Variants in GLIS3 observed in about 807,000 individuals in gnomAD.
GLIS3 encodes GLIS family zinc finger 3.
In GLIS3, 53 loss-of-function variants were observed where a neutral mutation model predicts 78.6. That is an observed-to-expected ratio of 0.67 (90% confidence interval 0.54 to 0.85). GLIS3 has a LOEUF of 0.85. Among genes scored for constraint, GLIS3 ranks in the 40% least tolerant of loss-of-function variants. The pLI is 0.00. For missense variants in GLIS3, 1,703 were observed against 1,231.1 expected, an observed-to-expected ratio of 1.38 and a Z score of -5.74; for synonymous variants, 684 against 509.9, an observed-to-expected ratio of 1.34 and a Z score of -4.60.
intron 7 of GLIS3, among the ~76,000 whole-genome samples, chr9:3,885,313 C>T (rs1395546582): frequency 6.6e-6 from 1 of 152,152 alleles, no homozygotes; most frequent in African/African-American, 2.4e-5. Flanking sequence ...CACCAGTTGT[C>T]AATAATGCAC....
chr9:4,264,884 C>T (rs1326410821), intron 2 of GLIS3, among the ~76,000 whole-genome samples: 1 of 151,932 alleles, frequency 6.6e-6, no homozygotes, highest in South Asian at 2.1e-4. Context: ...TAACAATCTT[C>T]GGCCAGGCAC....
At chr9:4,362,443 G>C in the GLIS3 span, among the ~76,000 whole-genome samples, 6 of 152,174 alleles carry the variant, frequency 3.9e-5, no homozygotes, top group African/African-American at 1.4e-4. Context: ...CTCAGCTGAA[G>C]CTCCCTTTGT....
chr9:4,452,977 G>A, the GLIS3 span, among the ~76,000 whole-genome samples: 2 of 152,036 alleles, frequency 1.3e-5, no homozygotes, highest in Non-Finnish European at 2.9e-5. Context: ...ATAGACCAAT[G>A]GAACAGAACA....
chr9:4,308,320 G>C (rs1190363781), intron 4 of GLIS3, among the ~76,000 whole-genome samples: 2 of 152,096 alleles, frequency 1.3e-5, no homozygotes, highest in Non-Finnish European at 2.9e-5. Flanking sequence ...GGAGGAGGAG[G>C]ATAAAGGGGT....
chr9:4,324,239 T>C (rs1024366417), intron 2 of GLIS3, among the ~76,000 whole-genome samples: 1 of 152,184 alleles, frequency 6.6e-6, no homozygotes, highest in Non-Finnish European at 1.5e-5. Flanking sequence ...TAAAACTTGG[T>C]GTTTTTATTT....
chr9:4,359,625 C>T, the GLIS3 span, among the ~76,000 whole-genome samples: 301 of 152,168 alleles, frequency 2.0e-3, 1 homozygote, highest in African/African-American at 6.6e-3. Context: ...ATACAGTACC[C>T]GTGAGATCCA....
At chr9:4,477,548 G>A in the GLIS3 span, among the ~76,000 whole-genome samples, 1 of 152,060 alleles carries the variant, frequency 6.6e-6, no homozygotes. Context: ...TGGAGTAGCT[G>A]GGACTGCAGA....
intron 4 of GLIS3, among the ~76,000 whole-genome samples, chr9:4,101,507 C>T (rs1417303441): frequency 6.6e-6 from 1 of 152,060 alleles, no homozygotes; most frequent in Non-Finnish European, 1.5e-5. Context: ...TTGTTCTAAA[C>T]AAAATATCCC....
At chr9:4,280,380 C>CTTGGTTATGATTAATATATT (rs1172625643) in intron 2 of GLIS3, among the ~76,000 whole-genome samples, 20 of 152,104 alleles carry the variant, frequency 1.3e-4, no homozygotes, top group African/African-American at 4.8e-4. Flanking sequence ...AATTAACTTT[C>CTTGGTTATGATTAATATATT]TTGGTTATGA....
intron 9 of GLIS3, among the ~76,000 whole-genome samples, chr9:3,851,797 A>T (rs1819450167): frequency 6.6e-6 from 1 of 152,180 alleles, no homozygotes; most frequent in African/African-American, 2.4e-5. Context: ...AAAAATATAA[A>T]TGTATATTTA....
chr9:4,133,874 A>ACACACAC (rs768664577), intron 2 of GLIS3, among the ~76,000 whole-genome samples: 2 of 123,914 alleles, frequency 1.6e-5, no homozygotes, highest in Admixed American at 8.3e-5. Context: ...ACACACACAC[A>ACACACAC]CCGTACATCT....
intron 2 of GLIS3, among the ~76,000 whole-genome samples, chr9:4,241,941 C>T (rs569942374): frequency 1.3e-5 from 2 of 152,186 alleles, no homozygotes; most frequent in Non-Finnish European, 2.9e-5. Context: ...GCCTTGGCCT[C>T]CCAAAGTGCT....
At chr9:3,942,735 G>A (rs1350717195) in intron 4 of GLIS3, among the ~76,000 whole-genome samples, 3 of 152,180 alleles carry the variant, frequency 2.0e-5, no homozygotes, top group Non-Finnish European at 4.4e-5. Flanking sequence ...TGGGACCTGA[G>A]ATCCTGCATT....
chr9:4,369,921 G>C, the GLIS3 span, among the ~76,000 whole-genome samples: 1 of 152,154 alleles, frequency 6.6e-6, no homozygotes, highest in Admixed American at 6.5e-5. Flanking sequence ...GCTTGGCAAG[G>C]TGGCTCATGC....
At chr9:4,309,325 C>T (rs889261712) in intron 3 of GLIS3, among the ~76,000 whole-genome samples, 4 of 152,158 alleles carry the variant, frequency 2.6e-5, no homozygotes, top group Non-Finnish European at 5.9e-5. Context: ...AAAATTAAGA[C>T]TTGGCTGTAA....
chr9:4,421,916 C>T, the GLIS3 span, among the ~76,000 whole-genome samples: 4 of 152,158 alleles, frequency 2.6e-5, no homozygotes, highest in African/African-American at 9.7e-5. Context: ...AGTAGGAAAA[C>T]AATCAGATGT....
At chr9:4,378,910 C>T in the GLIS3 span, among the ~76,000 whole-genome samples, 1 of 152,154 alleles carries the variant, frequency 6.6e-6, no homozygotes, top group African/African-American at 2.4e-5. Context: ...TCTGAGCCCC[C>T]ATCAAGCCAA....
At chr9:4,460,098 CATCA>C in the GLIS3 span, among the ~76,000 whole-genome samples, 4 of 151,948 alleles carry the variant, frequency 2.6e-5, no homozygotes, top group Non-Finnish European at 5.9e-5. Context: ...GTCAGGTACC[CATCA>C]AGCAATTATG....
chr9:4,427,280 C>A, the GLIS3 span, among the ~76,000 whole-genome samples: 1 of 152,114 alleles, frequency 6.6e-6, no homozygotes, highest in South Asian at 2.1e-4. Flanking sequence ...AAGCATATGC[C>A]AAGAACTCCC....
Sources: gnomAD v4.1 joint callset for allele counts (sites outside exome capture counted in the v4.1 genomes callset) on GRCh38, gnomAD v4.1.1 for gene constraint, MANE v1.5 for transcripts, NCBI Gene and HGNC (gene_info 2026-07-23, HGNC 2026-07-21) for gene names.